DNASE1: variants seen among roughly 807,000 people sequenced by gnomAD.
DNASE1 encodes the protein deoxyribonuclease 1, also known as deoxyribonuclease-1.
Under a neutral mutation model 33.9 loss-of-function variants are expected in DNASE1, and 40 were observed. That is an observed-to-expected ratio of 1.18 (90% CI 0.92 to 1.54). The LOEUF (loss-of-function observed/expected upper bound fraction) is 1.54. Among genes scored for constraint, DNASE1 ranks in the 40% most tolerant of loss-of-function variants. The pLI, the probability that DNASE1 is intolerant of heterozygous loss-of-function variation, is 0.00. For missense variants in DNASE1, 518 were observed against 372.6 expected (o/e 1.39, Z -3.21); for synonymous variants, 216 against 160.0 (o/e 1.35, Z -2.64).
intron 1 of DNASE1, among the ~76,000 whole-genome samples, chr16:3,617,930 G>A (rs919483880): frequency 4.6e-5 from 7 of 152,116 alleles, no homozygotes; most frequent in African/African-American, 1.7e-4. Flanking sequence ...AATTTCTGTT[G>A]TTTATTAGCT....
chr16:3,647,004 CCTGT>C (rs1429523235), intron 1 of DNASE1, among the ~76,000 whole-genome samples: 3 of 152,140 alleles, frequency 2.0e-5, no homozygotes, highest in Non-Finnish European at 2.9e-5. Flanking sequence ...GCCCATCAGA[CCTGT>C]CTGAGGGGAG....
intron 1 of DNASE1, among the ~76,000 whole-genome samples, chr16:3,644,208 T>G (rs2042103485): frequency 6.6e-6 from 1 of 152,062 alleles, no homozygotes; most frequent in Non-Finnish European, 1.5e-5. Context: ...TTTGGGAAGC[T>G]GAGGTGAAGA....
intron 1 of DNASE1, among the ~76,000 whole-genome samples, chr16:3,643,359 G>C (rs1195782363): frequency 1.3e-5 from 2 of 152,252 alleles, no homozygotes; most frequent in East Asian, 1.9e-4. Context: ...TGGCAGTTTC[G>C]TGGAGTTAGG....
At chr16:3,620,082 A>G (rs949745152) in intron 1 of DNASE1, among the ~76,000 whole-genome samples, 1 of 151,922 alleles carries the variant, frequency 6.6e-6, no homozygotes, top group South Asian at 2.1e-4. Context: ...CGCCTGGCCA[A>G]TTTTTGTATT....
In DNASE1 at chr16:3,654,800, C is replaced by T. The variant is rs569027403; in HGVS notation, c.-246C>T. ...CATTGTTTTCTGCACTCTCAGGTGA[C>T]GGCTCACATTTGCCCCAGGGAAGGT... is the stretch of plus-strand genomic sequence containing the variant. On this transcript the variant is annotated 5_prime_UTR_variant, in exon 1 of 9. It adds an upstream start codon to the 5' untranslated region. Transcript: ENST00000246949. 1.4e-4 allele frequency: 58 copies of T among 401,912 alleles called. No individual in the cohort carries two copies. Among genetic ancestry groups the T allele is most frequent in the African/African-American group, 1.0e-3 (49 of 48,748 alleles). 24.9% of individuals were successfully genotyped at this position (401,912 alleles called of 1,614,324 possible). A position where few individuals can be genotyped will look rare whatever the true frequency, so the allele number is the denominator to read the frequency against.
intron 5 of DNASE1, 69 bp downstream of exon 5, chr16:3,656,822 C>T: frequency 6.5e-7 from 1 of 1,545,234 alleles, no homozygotes; most frequent in Non-Finnish European, 8.7e-7. Flanking sequence ...CCTAGGGAAC[C>T]TGGAATGCCT....
upstream of DNASE1, among the ~76,000 whole-genome samples, chr16:3,639,102 TC>T (rs1879283979): frequency 6.6e-6 from 1 of 152,240 alleles, no homozygotes; most frequent in Non-Finnish European, 1.5e-5. Flanking sequence ...GGTCATATTT[TC>T]CTCTCTTTCT....
chr16:3,652,159 C>CT (rs1347201600), upstream of DNASE1: 1 of 152,454 alleles, frequency 6.6e-6, no homozygotes, highest in Non-Finnish European at 1.5e-5. Flanking sequence ...GGCACTATGC[C>CT]TGGGAGTTCC....
chr16:3,657,444 C>A, intron 7 of DNASE1, 103 bp downstream of exon 7: 2 of 1,464,314 alleles, frequency 1.4e-6, no homozygotes, highest in South Asian at 1.2e-5. Flanking sequence ...AACACTCACC[C>A]AACTGAGCTT....
intron 1 of DNASE1, among the ~76,000 whole-genome samples, chr16:3,614,924 G>C (rs2041046244): frequency 6.6e-6 from 1 of 152,042 alleles, no homozygotes; most frequent in Non-Finnish European, 1.5e-5. Context: ...TTAGAGTCCT[G>C]GTGAAGAAAG....
intron 1 of DNASE1, among the ~76,000 whole-genome samples, chr16:3,648,550 G>T (rs911744900): frequency 1.3e-5 from 2 of 151,984 alleles, no homozygotes; most frequent in Non-Finnish European, 2.9e-5. Flanking sequence ...AACCCCAGAG[G>T]CAGGCTGCAG....
At chr16:3,616,436 C>G (rs908881998) in intron 1 of DNASE1, among the ~76,000 whole-genome samples, 3 of 150,682 alleles carry the variant, frequency 2.0e-5, no homozygotes, top group Admixed American at 2.0e-4. Context: ...GCCTGACCAA[C>G]ATGGTGAAAC....
At chr16:3,628,151 T>G (rs778728363) in intron 1 of DNASE1, among the ~76,000 whole-genome samples, 3 of 152,178 alleles carry the variant, frequency 2.0e-5, no homozygotes, top group Non-Finnish European at 4.4e-5. Context: ...GTATGAATCT[T>G]TTACCTCCTT....
At position 3,633,436 on chromosome 16, in the gene DNASE1, A is replaced by G. The variant is rs374825765; in HGVS notation, c.-1358-7279A>G. On this transcript the variant is annotated intron_variant and NMD_transcript_variant, in intron 1 of 11. Coordinates refer to the DNASE1 transcript ENST00000570769. The stretch of plus-strand genomic sequence containing the variant: ...AGCCTTGCTAACATGGTGAAACCCC[A>G]TCTCTACTAAAAATACAAAAAATTA... Among the ~76,000 whole-genome samples the G allele has an allele frequency of 2.0e-5, 3 of 152,152 alleles. No homozygotes were observed. In the South Asian group the frequency reaches 6.2e-4, roughly 32 times the overall value.
chr16:3,655,285 C>T (rs2042525883), intron 1 of DNASE1, 88 bp from the exon 2 acceptor site: 9 of 1,580,318 alleles, frequency 5.7e-6, no homozygotes, highest in Non-Finnish European at 6.9e-6. Flanking sequence ...TCCACCAGCC[C>T]CTGCCAGCTG....
At chr16:3,624,839 C>A (rs1268515143) in intron 1 of DNASE1, among the ~76,000 whole-genome samples, 10 of 152,110 alleles carry the variant, frequency 6.6e-5, no homozygotes, top group Non-Finnish European at 1.5e-4. Flanking sequence ...TAGGTTTCTT[C>A]CAGCACACCT....
intron 1 of DNASE1, 108 bp from the exon 2 acceptor site, chr16:3,655,265 G>C (rs773580587): frequency 2.6e-5 from 39 of 1,501,688 alleles, no homozygotes; most frequent in Non-Finnish European, 3.4e-5. Context: ...GCGTCCCCCT[G>C]ACCTTGAGCT....
At chr16:3,636,125 A>C (rs1042840415) in intron 1 of DNASE1, among the ~76,000 whole-genome samples, 2 of 149,410 alleles carry the variant, frequency 1.3e-5, no homozygotes, top group African/African-American at 2.5e-5. Context: ...CATCTTGTTC[A>C]TTCTTTTCTC....
At chr16:3,662,174 A>G, downstream of DNASE1, 6 of 1,585,902 alleles carry the variant, frequency 3.8e-6, no homozygotes, top group South Asian at 1.1e-5. Context: ...GAGGTTCCCA[A>G]TGTGAGAGGG....
Sources: gnomAD v4.1 joint callset for allele counts (sites outside exome capture counted in the v4.1 genomes callset) on GRCh38, gnomAD v4.1.1 for gene constraint, MANE v1.5 for transcripts, NCBI Gene and HGNC (gene_info 2026-07-23, HGNC 2026-07-21) for gene names.